CCSER1: variants seen among roughly 807,000 people sequenced by gnomAD.
CCSER1 encodes serine-rich coiled-coil domain-containing protein 1.
Under a neutral mutation model 82.0 loss-of-function variants are expected in CCSER1, and 41 were observed. The observed-to-expected ratio is 0.50, with a 90% CI of 0.39 to 0.65. The LOEUF is 0.65. CCSER1 is among the 30% of genes least tolerant of loss of function. CCSER1 has a pLI of 0.00. For synonymous variants in CCSER1, 414 were observed against 383.9 expected, an observed-to-expected ratio of 1.08 and a Z score of -0.92; for missense variants, 1,119 against 1,064.2, an observed-to-expected ratio of 1.05 and a Z score of -0.72.
intron 7 of CCSER1, among the ~76,000 whole-genome samples, chr4:90,737,097 T>C (rs1745780555): frequency 6.6e-6 from 1 of 152,150 alleles, no homozygotes; most frequent in African/African-American, 2.4e-5. Flanking sequence ...TAGCTATTAT[T>C]TTTGTTACAT....
chr4:91,557,986 A>T (rs1762481243), intron 10 of CCSER1, among the ~76,000 whole-genome samples: 1 of 151,246 alleles, frequency 6.6e-6, no homozygotes, highest in South Asian at 2.1e-4. Context: ...TTAATGGGGT[A>T]AATTAAAATA....
intron 8 of CCSER1, among the ~76,000 whole-genome samples, chr4:90,850,690 AAG>A (rs1763775985): frequency 6.6e-6 from 1 of 152,194 alleles, no homozygotes; most frequent in Non-Finnish European, 1.5e-5. Flanking sequence ...TGTATCTTGG[AAG>A]TAACTAATAT....
intron 10 of CCSER1, among the ~76,000 whole-genome samples, chr4:91,117,572 C>G (rs531775414): frequency 8.5e-5 from 13 of 152,300 alleles, no homozygotes; most frequent in African/African-American, 3.1e-4. Context: ...CCAAAACCAT[C>G]TTTTAAAAAT....
chr4:91,511,877 A>G (rs1210719480), intron 10 of CCSER1, among the ~76,000 whole-genome samples: 2 of 152,212 alleles, frequency 1.3e-5, no homozygotes, highest in Non-Finnish European at 2.9e-5. Flanking sequence ...TACACAATAA[A>G]TGTAATGCGC....
At chr4:90,457,575 C>T (rs1762350432) in intron 4 of CCSER1, among the ~76,000 whole-genome samples, 1 of 152,194 alleles carries the variant, frequency 6.6e-6, no homozygotes. Context: ...GTTCAGCTCT[C>T]AGCTGAGAGA....
In CCSER1 at chr4:91,021,820, C is replaced by CT. The variant is rs200220280; in HGVS notation, c.2173-64123dup. Among the ~76,000 whole-genome samples the CT allele has an allele frequency of 4.6e-3, 701 of 152,068 alleles. 19 individuals are homozygous for CT. The highest frequency in any genetic ancestry group is 0.017 in the East Asian group (88 of 5,168). On this transcript the variant is annotated intron_variant, in intron 9 of 10. Coordinates refer to ENST00000509176, the MANE Select transcript of CCSER1 (RefSeq NM_001145065.2). ...AAGGGAAACTTGAAAGCAAAGCACA[C>CT]TTTTTTTAAAAAAGAATTAAGATGA...
At chr4:90,895,360 G>A (rs1321344378) in intron 8 of CCSER1, among the ~76,000 whole-genome samples, 1 of 151,886 alleles carries the variant, frequency 6.6e-6, no homozygotes, top group African/African-American at 2.4e-5. Flanking sequence ...CAAAATATTT[G>A]ATGATTGGCT....
intron 5 of CCSER1, among the ~76,000 whole-genome samples, chr4:90,573,584 C>CA (rs1257087767): frequency 6.6e-6 from 1 of 152,188 alleles, no homozygotes; most frequent in Non-Finnish European, 1.5e-5. Context: ...CCTACAACCA[C>CA]ATACTTTGAT....
At position 90,152,692 on chromosome 4, in the gene CCSER1, A is replaced by C. The variant is rs541743942; in HGVS notation, c.-42+24861A>C. Among the ~76,000 whole-genome samples, 7 of 152,224 alleles carry C rather than the reference A, an allele frequency of 4.6e-5. No homozygotes were observed. The East Asian group carries it at 1.4e-3, about 29-fold the overall frequency. On this transcript the variant is annotated intron_variant, in intron 1 of 10. Coordinates refer to ENST00000509176, the MANE Select transcript of CCSER1 (RefSeq NM_001145065.2). ...GTTTGGCTGAGATAGAGAGTGCCCA[A>C]AGGGAAGTTATTGGAAATAACATCA...
At chr4:90,996,364 A>G (rs975321362) in intron 9 of CCSER1, among the ~76,000 whole-genome samples, 29 of 152,134 alleles carry the variant, frequency 1.9e-4, no homozygotes, top group African/African-American at 6.8e-4. Context: ...CATTTTATAA[A>G]TTGACTTCCT....
chr4:91,047,768 G>A (rs566250865), intron 9 of CCSER1, among the ~76,000 whole-genome samples: 2 of 152,208 alleles, frequency 1.3e-5, no homozygotes, highest in South Asian at 4.1e-4. Flanking sequence ...AGTGAAAGAG[G>A]TATTTAGGCA....
At chr4:90,643,675 G>A (rs1028248281) in intron 6 of CCSER1, among the ~76,000 whole-genome samples, 35 of 152,158 alleles carry the variant, frequency 2.3e-4, no homozygotes, top group Admixed American at 7.2e-4. Flanking sequence ...AGGGCCACTA[G>A]TGAAACAAAG....
chr4:90,641,875 T>C, intron 6 of CCSER1: 1 of 263,364 alleles, frequency 3.8e-6, no homozygotes, highest in Non-Finnish European at 8.5e-6. Flanking sequence ...TTTGTGTTAT[T>C]ATCATATTCA....
intron 10 of CCSER1, among the ~76,000 whole-genome samples, chr4:91,490,135 A>G (rs1340111955): frequency 6.6e-6 from 1 of 152,200 alleles, no homozygotes; most frequent in African/African-American, 2.4e-5. Context: ...TTCCTCAACT[A>G]TTGGTAGGAA....
chr4:90,964,061 A>G (rs549840870), intron 9 of CCSER1, among the ~76,000 whole-genome samples: 1 of 152,300 alleles, frequency 6.6e-6, no homozygotes, highest in South Asian at 2.1e-4. Flanking sequence ...CTATTTGTGG[A>G]GAGCAAATTA....
At chr4:91,355,848 G>A (rs1029710030) in intron 10 of CCSER1, among the ~76,000 whole-genome samples, 1 of 152,160 alleles carries the variant, frequency 6.6e-6, no homozygotes, top group African/African-American at 2.4e-5. Flanking sequence ...AGAATAAACA[G>A]AGTCTAACAC....
At chr4:90,795,179 C>T (rs112631850) in intron 7 of CCSER1, among the ~76,000 whole-genome samples, 3,944 of 151,238 alleles carry the variant, frequency 0.026, 133 homozygotes, top group African/African-American at 0.082. Context: ...CCCAACTACT[C>T]GGGAGACTGA....
Position 91,545,410 on chromosome 4 carries a change from C to T in CCSER1, c.2218-53162C>T, listed in dbSNP as rs1761837972. Among the ~76,000 whole-genome samples the T allele has an allele frequency of 2.0e-5, 3 of 152,162 alleles. No homozygotes were observed. In the South Asian group the frequency reaches 6.2e-4, roughly 31 times the overall value. ...TCACCCATCTTCTGTGTCGCTTACA[C>T]TGGGAGCTGTAGACTGGAGGTGTTC... On this transcript the variant is annotated intron_variant, in intron 10 of 10. Transcript: ENST00000509176.
chr4:91,269,829 C>T (rs1391150199), intron 10 of CCSER1, among the ~76,000 whole-genome samples: 1 of 152,126 alleles, frequency 6.6e-6, no homozygotes, highest in South Asian at 2.1e-4. Flanking sequence ...ATTCATACCC[C>T]TTTAGATTCC....
Sources: gnomAD v4.1 joint callset for allele counts (sites outside exome capture counted in the v4.1 genomes callset) on GRCh38, gnomAD v4.1.1 for gene constraint, MANE v1.5 for transcripts, NCBI Gene and HGNC (gene_info 2026-07-23, HGNC 2026-07-21) for gene names.